ALK: variants seen among roughly 807,000 people sequenced by gnomAD.
The protein encoded by ALK is ALK receptor tyrosine kinase.
Under a neutral mutation model 163.1 loss-of-function variants are expected in ALK, and 74 were observed. The observed-to-expected ratio is 0.45, with a 90% CI of 0.38 to 0.55. ALK has a LOEUF of 0.55. Among genes scored for constraint, ALK ranks in the 20% least tolerant of loss-of-function variants. The probability of loss-of-function intolerance (pLI) is 0.00; values close to 1 mark genes in which losing one functional copy is unlikely to be tolerated. For synonymous variants in ALK, 960 were observed against 843.2 expected (o/e 1.14, Z -2.40); for missense variants, 2,063 against 2,105.3 (o/e 0.98, Z 0.39).
intron 2 of ALK, among the ~76,000 whole-genome samples, chr2:29,705,280 T>TATATATATAA (rs1553349839): frequency 8.8e-5 from 3 of 34,226 alleles, no homozygotes; most frequent in Non-Finnish European, 1.5e-4. Context: ...TATATATATA[T>TATATATATAA]AAATATATAT....
chr2:29,206,232 C>T (rs1040753319), intron 26 of ALK, among the ~76,000 whole-genome samples: 10 of 151,380 alleles, frequency 6.6e-5, no homozygotes, highest in African/African-American at 2.4e-4. Context: ...TCTGCCCCTC[C>T]CTTCTACCTC....
chr2:29,729,820 G>A (rs1558462716), intron 1 of ALK, among the ~76,000 whole-genome samples: 1 of 151,828 alleles, frequency 6.6e-6, no homozygotes, highest in African/African-American at 2.4e-5. Flanking sequence ...TAGAAAATCT[G>A]AAAAAAAATC....
At chr2:29,567,756 T>C (rs6547948) in intron 3 of ALK, among the ~76,000 whole-genome samples, 104,426 of 152,020 alleles carry the variant, frequency 0.69, 36,160 homozygotes, top group South Asian at 0.8. Context: ...AAATGTAAGC[T>C]TTCTTCTGAA....
At chr2:29,634,867 G>T (rs888381480) in intron 3 of ALK, among the ~76,000 whole-genome samples, 1 of 152,104 alleles carries the variant, frequency 6.6e-6, no homozygotes, top group Non-Finnish European at 1.5e-5. Context: ...TTTTCAGAGG[G>T]CATAGTTGTC....
intron 1 of ALK, among the ~76,000 whole-genome samples, chr2:29,768,743 G>GTGTGTATATATA (rs373708982): frequency 6.6e-6 from 1 of 150,682 alleles, no homozygotes; most frequent in African/African-American, 2.4e-5. Flanking sequence ...GTGTGTGTGT[G>GTGTGTATATATA]TATATATGTA....
intron 4 of ALK, among the ~76,000 whole-genome samples, chr2:29,432,394 A>G (rs1193025951): frequency 6.6e-6 from 1 of 152,042 alleles, no homozygotes; most frequent in African/African-American, 2.4e-5. Context: ...CCCTTCTGCT[A>G]TGACTGTAAG....
intron 4 of ALK, among the ~76,000 whole-genome samples, chr2:29,468,053 TAG>T (rs1167724659): frequency 6.6e-6 from 1 of 150,548 alleles, no homozygotes; most frequent in African/African-American, 2.4e-5. Context: ...TTTTTTGAGA[TAG>T]AGTCTTGCTC....
At chr2:29,468,199 T>C (rs1242266042) in intron 4 of ALK, among the ~76,000 whole-genome samples, 2 of 152,166 alleles carry the variant, frequency 1.3e-5, no homozygotes, top group Non-Finnish European at 2.9e-5. Context: ...CAGCTAATTT[T>C]TGTATTTTCA....
intron 9 of ALK, among the ~76,000 whole-genome samples, chr2:29,288,845 G>T (rs1665930751): frequency 6.6e-6 from 1 of 151,608 alleles, no homozygotes; most frequent in African/African-American, 2.4e-5. Context: ...CCAGCTACTT[G>T]GGAGGCTGAG....
At chr2:29,367,183 G>C (rs1341941542) in intron 5 of ALK, among the ~76,000 whole-genome samples, 1 of 152,068 alleles carries the variant, frequency 6.6e-6, no homozygotes, top group Non-Finnish European at 1.5e-5. Flanking sequence ...GCTGGAGGGT[G>C]ACTGAGCAAC....
At chr2:29,438,890 T>A (rs1047554650) in intron 4 of ALK, among the ~76,000 whole-genome samples, 14 of 152,164 alleles carry the variant, frequency 9.2e-5, no homozygotes, top group African/African-American at 3.4e-4. Context: ...ACTGTGGGCT[T>A]GTTCTATTAT....
intron 1 of ALK, among the ~76,000 whole-genome samples, chr2:29,745,883 C>A (rs1680196219): frequency 6.6e-6 from 1 of 152,086 alleles, no homozygotes; most frequent in South Asian, 2.1e-4. Context: ...CTGTAAAAAC[C>A]CTGAGATCTG....
In ALK at chr2:29,806,392, A is replaced by G. The variant is rs535278934; in HGVS notation, c.668-88695T>C. Among the ~76,000 whole-genome samples the G allele has an allele frequency of 2.6e-5, 4 of 152,328 alleles. No homozygotes were observed. In the South Asian group the frequency reaches 8.3e-4, roughly 32 times the overall value. On this transcript the variant is annotated intron_variant, in intron 1 of 28. Transcript: ENST00000389048. ...GCAGAGGAAAGAAATCATTTAGAAA[A>G]GAGAAAATGAGATCGAAATCTAGGA... is the stretch of plus-strand genomic sequence containing the variant.
chr2:29,414,318 A>G lies in ALK; in HGVS notation c.1155-30459T>C, dbSNP rs994797400. Among the ~76,000 whole-genome samples, 14 of 152,312 alleles carry G rather than the reference A, an allele frequency of 9.2e-5. 1 individual carries two copies. The highest frequency in any genetic ancestry group is 6.5e-4 in the Admixed American group (10 of 15,294). On this transcript the variant is annotated intron_variant, in intron 4 of 28. Transcript: ENST00000389048. ...ACAGTTCTGAAATAGTGTGACTTAA[A>G]AATGCTAGAAGACCACTTAGCTAAA...
At chr2:29,716,354 C>T (rs947239479) in intron 2 of ALK, among the ~76,000 whole-genome samples, 8 of 152,110 alleles carry the variant, frequency 5.3e-5, no homozygotes, top group African/African-American at 1.9e-4. Context: ...ATCTTCCATG[C>T]GATAGAATAA....
intron 4 of ALK, among the ~76,000 whole-genome samples, chr2:29,459,967 G>C (rs1671046339): frequency 6.6e-6 from 1 of 152,126 alleles, no homozygotes; most frequent in Admixed American, 6.6e-5. Context: ...CCTCAGAAAG[G>C]TTATGTGACT....
Position 29,840,761 on chromosome 2 carries a change from G to C in ALK, c.667+79232C>G, listed in dbSNP as rs189884440. Among the ~76,000 whole-genome samples the C allele has an allele frequency of 1.0e-3, 159 of 152,262 alleles. 1 individual carries two copies. Among genetic ancestry groups the C allele is most frequent in the South Asian group, 5.4e-3 (26 of 4,820 alleles). On this transcript the variant is annotated intron_variant, in intron 1 of 28. Coordinates refer to ENST00000389048, the MANE Select transcript of ALK (RefSeq NM_004304.5). ...TCTATTAATAACTGAACATTTACATGGCACATTGTAGTATGCAAAATACTT... is the reference window on the plus strand; with the variant it reads ...TCTATTAATAACTGAACATTTACATCGCACATTGTAGTATGCAAAATACTT...
At chr2:29,371,667 G>C (rs542352734) in intron 5 of ALK, among the ~76,000 whole-genome samples, 2 of 152,294 alleles carry the variant, frequency 1.3e-5, no homozygotes, top group African/African-American at 2.4e-5. Context: ...GTTCTGACTT[G>C]GTACGTCAGT....
At chr2:29,778,844 T>A (rs997716751) in intron 1 of ALK, among the ~76,000 whole-genome samples, 2 of 152,102 alleles carry the variant, frequency 1.3e-5, no homozygotes, top group African/African-American at 2.4e-5. Flanking sequence ...TTTTCCTGTC[T>A]GAGAGAAAAT....
Sources: allele counts gnomAD v4.1 joint callset (sites outside exome capture counted in the v4.1 genomes callset), GRCh38; gene constraint gnomAD v4.1.1; transcripts MANE v1.5; gene names NCBI Gene and HGNC (gene_info 2026-07-23, HGNC 2026-07-21).